The following EYS variants were observed in gnomAD, a reference collection of about 807,000 sequenced individuals.
EYS encodes EGF-like photoreceptor maintenance factor, also known as protein eyes shut homolog.
A neutral mutation model predicts 282.1 loss-of-function variants in EYS; 250 were observed. The ratio of observed to expected loss-of-function variants is 0.89; its 90% confidence interval spans 0.80 to 0.98. The LOEUF (loss-of-function observed/expected upper bound fraction) is 0.98. Among genes scored for constraint, EYS ranks in the 50% least tolerant of loss-of-function variants. The pLI is 0.00. For synonymous variants in EYS, 1,355 were observed against 1,282.9 expected, an observed-to-expected ratio of 1.06 and a Z score of -1.20; for missense variants, 4,016 against 3,709.0, an observed-to-expected ratio of 1.08 and a Z score of -2.15.
chr6:64,213,380 A>G (rs1407791675), intron 31 of EYS, among the ~76,000 whole-genome samples: 2 of 152,194 alleles, frequency 1.3e-5, no homozygotes, highest in Admixed American at 1.3e-4. Context: ...ATGAAAATGT[A>G]TTTACTAGCA....
At chr6:65,070,225 T>A (rs1227129373) in intron 12 of EYS, among the ~76,000 whole-genome samples, 1 of 151,946 alleles carries the variant, frequency 6.6e-6, no homozygotes, top group Non-Finnish European at 1.5e-5. Context: ...TCATTCTTCA[T>A]CCAGCAGCAA....
chr6:65,491,568 C>G (rs1352468438), intron 4 of EYS: 2 of 433,364 alleles, frequency 4.6e-6, no homozygotes, highest in Non-Finnish European at 9.2e-6. Flanking sequence ...GAACTTTTTT[C>G]TTCATTTGCC....
chr6:64,970,520 C>G (rs2150110825), intron 14 of EYS, among the ~76,000 whole-genome samples: 1 of 152,186 alleles, frequency 6.6e-6, no homozygotes, highest in Non-Finnish European at 1.5e-5. Flanking sequence ...TTATAACCAC[C>G]TCCTGTAGCT....
chr6:64,628,469 G>A lies in EYS; in HGVS notation c.3444-2224C>T, dbSNP rs527908606. Among the ~76,000 whole-genome samples the A allele has an allele frequency of 1.6e-4, 25 of 152,192 alleles. No individual in the cohort carries two copies. In the East Asian group the frequency reaches 4.5e-3, roughly 27 times the overall value. ...TCTGCTACCCAGGCTGGAGTGCAAT[G>A]CAGTGGCCCGATTATAGCTCACTGT... On this transcript the variant is annotated intron_variant, in intron 22 of 42. Transcript: ENST00000503581.
chr6:63,918,553 C>G (rs143608132), intron 35 of EYS, among the ~76,000 whole-genome samples: 20 of 152,226 alleles, frequency 1.3e-4, no homozygotes, highest in African/African-American at 4.8e-4. Flanking sequence ...ATCCACAGAT[C>G]TGCCTGTGAG....
intron 15 of EYS, among the ~76,000 whole-genome samples, chr6:64,943,400 C>T (rs888828679): frequency 6.6e-6 from 1 of 151,992 alleles, no homozygotes; most frequent in Non-Finnish European, 1.5e-5. Context: ...CAAAATAAGT[C>T]AAACTATCTC....
intron 12 of EYS, among the ~76,000 whole-genome samples, chr6:65,141,046 T>C (rs1258231332): frequency 1.3e-5 from 2 of 151,756 alleles, no homozygotes; most frequent in Non-Finnish European, 2.9e-5. Context: ...TGCACACGTA[T>C]GTTTATTGCG....
chr6:64,707,987 A>C (rs1294369129), intron 22 of EYS, among the ~76,000 whole-genome samples: 1 of 152,188 alleles, frequency 6.6e-6, no homozygotes, highest in African/African-American at 2.4e-5. Flanking sequence ...TTAATGCATA[A>C]AATTATATAA....
At chr6:64,700,655 A>G (rs927480948) in intron 22 of EYS, among the ~76,000 whole-genome samples, 7 of 152,028 alleles carry the variant, frequency 4.6e-5, no homozygotes, top group African/African-American at 1.7e-4. Context: ...AACTAGGAAT[A>G]TATTTAACCC....
At chr6:64,414,858 T>C (rs1278388422) in intron 28 of EYS, among the ~76,000 whole-genome samples, 1 of 152,126 alleles carries the variant, frequency 6.6e-6, no homozygotes, top group African/African-American at 2.4e-5. Flanking sequence ...TCAGTGATAA[T>C]TTTGGAAATG....
intron 26 of EYS, among the ~76,000 whole-genome samples, chr6:64,538,075 A>C (rs1024140777): frequency 1.3e-5 from 2 of 152,180 alleles, no homozygotes; most frequent in Non-Finnish European, 2.9e-5. Flanking sequence ...TGCATTAAAA[A>C]ATTGTTCGGG....
chr6:64,311,981 T>TTTTG (rs1190177718), intron 29 of EYS, among the ~76,000 whole-genome samples: 14 of 149,350 alleles, frequency 9.4e-5, no homozygotes, highest in African/African-American at 3.2e-4. Flanking sequence ...TGCAGAAGGT[T>TTTTG]TTTTTTTTTT....
chr6:64,614,159 C>T (rs1178519301), intron 24 of EYS, among the ~76,000 whole-genome samples: 1 of 152,030 alleles, frequency 6.6e-6, no homozygotes. Flanking sequence ...TGAAAGAACT[C>T]CACACCTCAC....
At chr6:64,850,946 T>G (rs1317175305) in intron 19 of EYS, among the ~76,000 whole-genome samples, 1 of 152,114 alleles carries the variant, frequency 6.6e-6, no homozygotes, top group Non-Finnish European at 1.5e-5. Context: ...TCTTCAAGAT[T>G]CCTAGTTGGC....
intron 40 of EYS, among the ~76,000 whole-genome samples, chr6:63,772,293 A>C (rs1213215334): frequency 6.6e-6 from 1 of 152,070 alleles, no homozygotes; most frequent in Admixed American, 6.6e-5. Context: ...CCTGAGTAGA[A>C]AGTTAAGTAA....
chr6:64,347,974 C>T (rs1771475255), intron 29 of EYS, among the ~76,000 whole-genome samples: 1 of 151,274 alleles, frequency 6.6e-6, no homozygotes, highest in Non-Finnish European at 1.5e-5. Flanking sequence ...TAAAGATACA[C>T]ATTTTTGTAT....
intron 2 of EYS, among the ~76,000 whole-genome samples, chr6:65,574,000 A>G (rs921786383): frequency 2.6e-5 from 4 of 152,166 alleles, no homozygotes; most frequent in South Asian, 2.1e-4. Flanking sequence ...CATTCTTGGC[A>G]CTCTGGCTAG....
At chr6:64,793,236 C>T (rs1283575344) in intron 22 of EYS, among the ~76,000 whole-genome samples, 1 of 152,074 alleles carries the variant, frequency 6.6e-6, no homozygotes, top group Non-Finnish European at 1.5e-5. Context: ...TGGTGTAAAT[C>T]AATTAATTCC....
At chr6:63,985,656 C>A (rs1031852648) in intron 34 of EYS, among the ~76,000 whole-genome samples, 1 of 151,686 alleles carries the variant, frequency 6.6e-6, no homozygotes, top group South Asian at 2.1e-4. Flanking sequence ...AAAATCAGAT[C>A]AAGAAAAGAC....
Sources: allele counts gnomAD v4.1 joint callset (sites outside exome capture counted in the v4.1 genomes callset), GRCh38; gene constraint gnomAD v4.1.1; transcripts MANE v1.5; gene names NCBI Gene and HGNC (gene_info 2026-07-23, HGNC 2026-07-21).